The following ZBTB44 variants were observed in gnomAD, a reference collection of about 807,000 sequenced individuals.
ZBTB44 encodes zinc finger and BTB domain containing 44, also known as zinc finger and BTB domain-containing protein 44.
Under a neutral mutation model 54.0 loss-of-function variants are expected in ZBTB44, and 15 were observed. That is an observed-to-expected ratio of 0.28 (90% confidence interval 0.19 to 0.43). The LOEUF is 0.43. Among genes scored for constraint, ZBTB44 ranks in the 20% least tolerant of loss-of-function variants. ZBTB44 has a pLI of 1.00. For missense variants in ZBTB44, 487 were observed against 707.1 expected (o/e 0.69, Z 3.53); for synonymous variants, 230 against 250.1 (o/e 0.92, Z 0.76).
In ZBTB44 at chr11:130,229,147, C is replaced by T. The variant is rs755923555; in HGVS notation, c.*2617G>A. On this transcript the variant is annotated 3_prime_UTR_variant, in exon 8 of 8. Coordinates refer to ENST00000357899, the MANE Select transcript of ZBTB44 (RefSeq NM_001301098.2). Reference sequence around the variant, plus strand: ...TTCAGATACTGCCAAACCGAGATACCAATAACATCTGAAATCTTTGCAGAG... The same window carrying T: ...TTCAGATACTGCCAAACCGAGATACTAATAACATCTGAAATCTTTGCAGAG... 4 of 151,908 alleles carry T rather than the reference C, an allele frequency of 2.6e-5. No individual in the cohort carries two copies. Among genetic ancestry groups the T allele is most frequent in the Non-Finnish European group, 2.9e-5 (2 of 67,936 alleles). The allele number at this position is 151,908 out of a possible 1,614,324, so 9.4% of individuals were successfully genotyped here. A position where few individuals can be genotyped will look rare whatever the true frequency, so the allele number is the denominator to read the frequency against.
At chr11:130,297,063 G>A (rs1941696480) in intron 1 of ZBTB44, 1 of 648,564 alleles carries the variant, frequency 1.5e-6, no homozygotes, top group South Asian at 1.9e-5. Context: ...TTGAAGACAT[G>A]CCTTTCTTTC....
rs1426544149 is a variant in ZBTB44 at position 130,228,423 on chromosome 11, C to T, written c.*3341G>A. On this transcript the variant is annotated 3_prime_UTR_variant, in exon 8 of 8. Coordinates refer to ENST00000357899, the MANE Select transcript of ZBTB44 (RefSeq NM_001301098.2). ...ACTACTCTCATTATGAGAGACTTTA[C>T]ACAGCATCTGTCAACTTGAAAATTA... is the stretch of plus-strand genomic sequence containing the variant. The T allele has an allele frequency of 2.0e-5, 3 of 152,164 alleles. No homozygotes were observed. Among genetic ancestry groups the T allele is most frequent in the Admixed American group, 6.5e-5 (1 of 15,270 alleles). The allele number at this position is 152,164 out of a possible 1,614,324, so 9.4% of individuals were successfully genotyped here.
chr11:130,261,744 C>A lies in ZBTB44; in HGVS notation c.130G>T (p.Ala44Ser). ...TIRVQDKIFR[A>S]HKVVLAACSD... ...CAAGCTGCTAGTACCACCTTATGTG[C>A]CCGGAAGATTTTGTCCTGGACACGA... The change falls in exon 2 of 8, where the codon GCA becomes TCA. Residue 44 changes from alanine to serine, a missense_variant. Ala to Ser is a moderately conservative substitution (Grantham distance 99). Transcript: ENST00000357899. The surrounding 1 kb of genome is among the most constrained non-coding windows in gnomAD (Gnocchi z 4.8). The A allele has an allele frequency of 6.2e-7, 1 of 1,613,964 alleles. No individual in the cohort carries two copies. The highest frequency in any genetic ancestry group is 8.5e-7 in the Non-Finnish European group (1 of 1,179,902).
chr11:130,232,535 A>T (rs1452566096), intron 7 of ZBTB44: 1 of 152,212 alleles, frequency 6.6e-6, no homozygotes, highest in African/African-American at 2.4e-5. Flanking sequence ...TAGTCTTAAT[A>T]ATTTTTTTCT....
At position 130,226,828 on chromosome 11, in the gene ZBTB44, G is replaced by A. The variant is rs1421519014; in HGVS notation, c.*4936C>T. The A allele has an allele frequency of 6.6e-6, 1 of 151,690 alleles. No individual in the cohort carries two copies. Among genetic ancestry groups the A allele is most frequent in the Non-Finnish European group, 1.5e-5 (1 of 67,972 alleles). 9.4% of individuals were successfully genotyped at this position (151,690 alleles called of 1,614,324 possible). On this transcript the variant is annotated 3_prime_UTR_variant, in exon 8 of 8. Transcript: ENST00000357899. Reference sequence around the variant, plus strand: ...CTTTATGTGTGACCATGTAATAAAGGCCAGTTTAAAGATTTTTTTTTTAAA... The same window carrying A: ...CTTTATGTGTGACCATGTAATAAAGACCAGTTTAAAGATTTTTTTTTTAAA...
intron 1 of ZBTB44, among the ~76,000 whole-genome samples, chr11:130,287,411 C>T (rs371687119): frequency 6.6e-6 from 1 of 152,184 alleles, no homozygotes; most frequent in Non-Finnish European, 1.5e-5. Flanking sequence ...TAAGTCTTAG[C>T]TCTCTAGTCT....
chr11:130,260,248 C>A (rs1160507222), intron 2 of ZBTB44, among the ~76,000 whole-genome samples: 1 of 152,206 alleles, frequency 6.6e-6, no homozygotes, highest in Non-Finnish European at 1.5e-5. Context: ...ACCAAACACA[C>A]AATGCTCTTC....
At chr11:130,301,330 T>C (rs951051285) in intron 1 of ZBTB44, among the ~76,000 whole-genome samples, 1 of 152,134 alleles carries the variant, frequency 6.6e-6, no homozygotes, top group Non-Finnish European at 1.5e-5. Context: ...GATGATGAAG[T>C]AGAATTTTTA....
intron 1 of ZBTB44, among the ~76,000 whole-genome samples, chr11:130,308,296 G>C (rs974840880): frequency 2.6e-5 from 4 of 152,312 alleles, no homozygotes; most frequent in South Asian, 2.1e-4. Context: ...TGCAATCTCT[G>C]AGGTTGTTAC....
chr11:130,295,767 G>C (rs1385124125), intron 1 of ZBTB44: 2 of 1,494,088 alleles, frequency 1.3e-6, no homozygotes, highest in Middle Eastern at 2.0e-4. Flanking sequence ...ACCTGCAGTA[G>C]AACTCATTGT....
chr11:130,244,355 G>A (rs1004501601), intron 2 of ZBTB44, among the ~76,000 whole-genome samples: 17 of 151,978 alleles, frequency 1.1e-4, no homozygotes, highest in African/African-American at 4.1e-4. Context: ...ACAAGCTTTT[G>A]GTTATAATAT....
chr11:130,249,699 A>G (rs1031163835), intron 2 of ZBTB44, among the ~76,000 whole-genome samples: 2 of 152,228 alleles, frequency 1.3e-5, no homozygotes, highest in Non-Finnish European at 2.9e-5. Flanking sequence ...GGAGCCAAGG[A>G]AAGCAGTGAG....
intron 1 of ZBTB44, among the ~76,000 whole-genome samples, chr11:130,304,786 T>C (rs894085735): frequency 6.6e-6 from 1 of 152,164 alleles, no homozygotes; most frequent in African/African-American, 2.4e-5. Context: ...AAGAATTTTA[T>C]ACCAAGCTGC....
chr11:130,263,065 A>C (rs553878692), intron 1 of ZBTB44, among the ~76,000 whole-genome samples: 3 of 152,230 alleles, frequency 2.0e-5, no homozygotes, highest in African/African-American at 7.2e-5. Context: ...CGTCTAAAAA[A>C]ATATAAGTCA....
chr11:130,306,775 G>A (rs1271279527), intron 1 of ZBTB44, among the ~76,000 whole-genome samples: 1 of 152,126 alleles, frequency 6.6e-6, no homozygotes, highest in Non-Finnish European at 1.5e-5. Context: ...ATTATTCTAA[G>A]TGAAGTAACT....
At position 130,314,552 on chromosome 11, in the gene ZBTB44, C is replaced by G. The variant is rs1565347553; in HGVS notation, c.-234G>C. Reference sequence around the variant, plus strand: ...TATCTCGGGCCGCCGCGCCTAGGCCCGTGAGCAGCCTGTGGTGGGGCATGG... The same window carrying G: ...TATCTCGGGCCGCCGCGCCTAGGCCGGTGAGCAGCCTGTGGTGGGGCATGG... On this transcript the variant is annotated 5_prime_UTR_variant, in exon 1 of 8. Transcript: ENST00000357899. 1 of 125,126 alleles carries G rather than the reference C, an allele frequency of 8.0e-6. No individual in the cohort carries two copies. Among genetic ancestry groups the G allele is most frequent in the Non-Finnish European group, 1.7e-5 (1 of 59,708 alleles). The allele number at this position is 125,126 out of a possible 1,614,324, so 7.8% of individuals were successfully genotyped here.
intron 1 of ZBTB44, among the ~76,000 whole-genome samples, chr11:130,306,371 G>A (rs1006937688): frequency 1.3e-5 from 2 of 151,988 alleles, no homozygotes; most frequent in Admixed American, 6.6e-5. Flanking sequence ...GCGTGGTGGT[G>A]CATGCCTGTA....
intron 1 of ZBTB44, among the ~76,000 whole-genome samples, chr11:130,277,192 T>C (rs1253632739): frequency 6.6e-6 from 1 of 152,232 alleles, no homozygotes; most frequent in African/African-American, 2.4e-5. Flanking sequence ...GTTTTGTTCC[T>C]CTACTATTCC....
chr11:130,310,447 C>T (rs901053121), intron 1 of ZBTB44: 1 of 151,522 alleles, frequency 6.6e-6, no homozygotes, highest in Non-Finnish European at 1.5e-5. Flanking sequence ...TGCACTCCAG[C>T]CTGAGCAACA....
Sources: gnomAD v4.1 joint callset for allele counts (sites outside exome capture counted in the v4.1 genomes callset) on GRCh38, gnomAD v4.1.1 for gene constraint, Gnocchi (gnomAD v3.1) non-coding constraint, MANE v1.5 for transcripts, NCBI Gene and HGNC (gene_info 2026-07-23, HGNC 2026-07-21) for gene names.